Variants in SOCS5 observed in about 807,000 individuals in gnomAD.
SOCS5 encodes suppressor of cytokine signaling 5.
Under a neutral mutation model 42.8 loss-of-function variants are expected in SOCS5, and 32 were observed. The ratio of observed to expected loss-of-function variants is 0.75; its 90% CI spans 0.56 to 1.01. The LOEUF is 1.01. SOCS5 is among the 50% of genes least tolerant of loss of function. The pLI is 0.00. For synonymous variants in SOCS5, 283 were observed against 229.6 expected (o/e 1.23, Z -2.10); for missense variants, 627 against 653.0 (o/e 0.96, Z 0.43).
At chr2:46,731,780 A>G (rs983888197) in intron 1 of SOCS5, among the ~76,000 whole-genome samples, 4 of 152,196 alleles carry the variant, frequency 2.6e-5, no homozygotes, top group African/African-American at 9.7e-5. Context: ...CATCAGTAAC[A>G]CATTTTTAAA....
Position 46,747,505 on chromosome 2 carries a change from T to A in SOCS5, c.-12-11014T>A, listed in dbSNP as rs571060282. Among the ~76,000 whole-genome samples the A allele has an allele frequency of 5.9e-5, 9 of 152,322 alleles. No individual in the cohort carries two copies. In the East Asian group the frequency reaches 1.7e-3, roughly 29 times the overall value. ...TGCTGAGATTACAGGCATGAGCCAC[T>A]ATGCCCGGCTAGTCTCTTTTAAATC... On this transcript the variant is annotated intron_variant, in intron 1 of 1. Transcript: ENST00000394861.
intron 1 of SOCS5, among the ~76,000 whole-genome samples, chr2:46,739,845 A>C (rs1293078143): frequency 6.6e-6 from 1 of 152,170 alleles, no homozygotes; most frequent in Non-Finnish European, 1.5e-5. Flanking sequence ...CATTGTGCAT[A>C]TACTATTCCA....
intron 1 of SOCS5, among the ~76,000 whole-genome samples, chr2:46,708,577 T>A (rs1463246191): frequency 6.6e-6 from 1 of 152,212 alleles, no homozygotes; most frequent in Non-Finnish European, 1.5e-5. Flanking sequence ...CTGCCATTGC[T>A]GGTACTTAGT....
Position 46,719,231 on chromosome 2 carries a change from C to A in SOCS5, c.-13+19782C>A, listed in dbSNP as rs115112974. On this transcript the variant is annotated intron_variant, in intron 1 of 1. Coordinates refer to ENST00000394861, the MANE Select transcript of SOCS5 (RefSeq NM_144949.3). ...AGTGAATGATAAAAGCAGGATGATA[C>A]ATGTCCAATCCTTTTTTCCATTTTT... 7.7e-3 allele frequency among the ~76,000 whole-genome samples: 1,172 copies of A among 152,222 alleles called. 8 individuals are homozygous for A. Among genetic ancestry groups the A allele is most frequent in the Non-Finnish European group, 0.013 (879 of 67,974 alleles).
chr2:46,758,745 C>T lies in SOCS5; in HGVS notation c.215C>T (p.Ser72Leu), dbSNP rs755197965. Residue 72 changes from serine (S) to leucine (L), a missense_variant, in exon 2 of 2, where the codon TCG becomes TTG. This residue lies in a region of SOCS5 where 278 missense variants were observed against 246.3 expected (regional missense o/e 1.13). Transcript: ENST00000394861. Reference sequence around the variant, plus strand: ...GCCTTACAACTGGGATTAAGCCCTTCGAAGAATTCTTCAAGGAGAAATCAA... The same window carrying T: ...GCCTTACAACTGGGATTAAGCCCTTTGAAGAATTCTTCAAGGAGAAATCAA... Reference protein sequence around the residue: ...NIALQLGLSPSKNSSRRNQNC... With the variant: ...NIALQLGLSPLKNSSRRNQNC... 1.1e-5 allele frequency: 17 copies of T among 1,614,030 alleles called. No homozygotes were observed. The highest frequency in any genetic ancestry group is 1.7e-5 in the Admixed American group (1 of 60,014).
At chr2:46,730,791 T>C (rs1673099543) in intron 1 of SOCS5, among the ~76,000 whole-genome samples, 1 of 152,240 alleles carries the variant, frequency 6.6e-6, no homozygotes, top group Non-Finnish European at 1.5e-5. Context: ...TCTATAATTC[T>C]CATTTACCTT....
chr2:46,711,367 T>G (rs1408535332), intron 1 of SOCS5, among the ~76,000 whole-genome samples: 1 of 152,250 alleles, frequency 6.6e-6, no homozygotes, highest in African/African-American at 2.4e-5. Flanking sequence ...TGCATTTTCC[T>G]TGTGAGTATC....
chr2:46,752,326 T>C (rs1301845960), intron 1 of SOCS5, among the ~76,000 whole-genome samples: 1 of 152,116 alleles, frequency 6.6e-6, no homozygotes, highest in African/African-American at 2.4e-5. Context: ...TGCCTGATGA[T>C]ATAAGGTGGA....
At chr2:46,742,077 A>C (rs1673391226) in intron 1 of SOCS5, among the ~76,000 whole-genome samples, 1 of 152,232 alleles carries the variant, frequency 6.6e-6, no homozygotes, top group African/African-American at 2.4e-5. Context: ...AAATAAAAAC[A>C]AACTTTGACA....
At chr2:46,701,281 A>G (rs1391463509) in intron 1 of SOCS5, among the ~76,000 whole-genome samples, 2 of 152,198 alleles carry the variant, frequency 1.3e-5, no homozygotes, top group South Asian at 2.1e-4. Flanking sequence ...TTGTAGAACT[A>G]AGGAAAAGTA....
intron 1 of SOCS5, among the ~76,000 whole-genome samples, chr2:46,722,605 A>C (rs1672908033): frequency 6.6e-6 from 1 of 152,220 alleles, no homozygotes; most frequent in South Asian, 2.1e-4. Context: ...GGTTATTTCC[A>C]GTTTGGAGCA....
intron 1 of SOCS5, among the ~76,000 whole-genome samples, chr2:46,750,432 C>T (rs1042631722): frequency 2.6e-5 from 4 of 152,154 alleles, no homozygotes; most frequent in Admixed American, 6.5e-5. Flanking sequence ...CTGTATCACA[C>T]ATGACTCTTA....
At chr2:46,749,549 T>A (rs1159137783) in intron 1 of SOCS5, among the ~76,000 whole-genome samples, 1 of 152,206 alleles carries the variant, frequency 6.6e-6, no homozygotes, top group Non-Finnish European at 1.5e-5. Flanking sequence ...TAAGATATTT[T>A]CCCCATAAGA....
At chr2:46,712,572 G>C (rs1033688801) in intron 1 of SOCS5, among the ~76,000 whole-genome samples, 2 of 152,130 alleles carry the variant, frequency 1.3e-5, no homozygotes, top group Non-Finnish European at 2.9e-5. Context: ...TCGAATTCCT[G>C]ACCTCGTGAT....
chr2:46,731,283 A>G (rs1039412155), intron 1 of SOCS5, among the ~76,000 whole-genome samples: 45 of 152,272 alleles, frequency 3.0e-4, no homozygotes, highest in African/African-American at 1.1e-3. Context: ...AAAAGATGAG[A>G]GTTCTCCTTC....
At chr2:46,706,531 GGTGTA>G (rs1672466793) in intron 1 of SOCS5, among the ~76,000 whole-genome samples, 1 of 152,102 alleles carries the variant, frequency 6.6e-6, no homozygotes, top group Admixed American at 6.6e-5. Flanking sequence ...GGAATGTCTT[GGTGTA>G]CAGTTTTAGT....
At chr2:46,709,226 C>G (rs573048452) in intron 1 of SOCS5, among the ~76,000 whole-genome samples, 2 of 152,314 alleles carry the variant, frequency 1.3e-5, no homozygotes, top group African/African-American at 4.8e-5. Flanking sequence ...GCCTCTTTGC[C>G]TCTTTACCTT....
intron 1 of SOCS5, among the ~76,000 whole-genome samples, chr2:46,707,490 C>G (rs1365198208): frequency 6.6e-6 from 1 of 152,058 alleles, no homozygotes; most frequent in Non-Finnish European, 1.5e-5. Context: ...AATGAAAGGA[C>G]ATAGAGTGTT....
At chr2:46,752,783 C>G (rs1351460160) in intron 1 of SOCS5, among the ~76,000 whole-genome samples, 5 of 152,206 alleles carry the variant, frequency 3.3e-5, no homozygotes, top group African/African-American at 7.2e-5. Flanking sequence ...TGACTGTCTT[C>G]AAACCCCTAC....
Sources: gnomAD v4.1 joint callset for allele counts (sites outside exome capture counted in the v4.1 genomes callset) on GRCh38, gnomAD v4.1.1 for gene constraint, gnomAD v4.1.1 regional missense constraint, MANE v1.5 for transcripts, NCBI Gene and HGNC (gene_info 2026-07-23, HGNC 2026-07-21) for gene names.